LMNTD1: variants seen among roughly 807,000 people sequenced by gnomAD.
LMNTD1 encodes the protein lamin tail domain-containing protein 1.
In LMNTD1, 35 loss-of-function variants were observed where a neutral mutation model predicts 50.9. The ratio of observed to expected loss-of-function variants is 0.69; its 90% CI spans 0.53 to 0.91. The LOEUF is 0.91. Ranked by LOEUF, LMNTD1 falls within the 40% of genes least tolerant of loss-of-function variation. The probability of loss-of-function intolerance (pLI) is 0.00; values close to 1 mark genes in which losing one functional copy is unlikely to be tolerated. For missense variants in LMNTD1, 470 were observed against 475.5 expected, an observed-to-expected ratio of 0.99 and a Z score of 0.11; for synonymous variants, 153 against 161.9, an observed-to-expected ratio of 0.94 and a Z score of 0.42.
intron 1 of LMNTD1, among the ~76,000 whole-genome samples, chr12:25,635,136 A>G (rs1946801825): frequency 6.7e-6 from 1 of 149,952 alleles, no homozygotes; most frequent in Non-Finnish European, 1.5e-5. Flanking sequence ...GCTACTCTGG[A>G]GGCTGAGGGG....
chr12:25,504,429 T>C (rs1939590378), intron 8 of LMNTD1, among the ~76,000 whole-genome samples: 1 of 152,210 alleles, frequency 6.6e-6, no homozygotes, highest in Non-Finnish European at 1.5e-5. Flanking sequence ...GAAGCAAGTG[T>C]ATCAAACTAA....
In LMNTD1 at chr12:25,526,968, A is replaced by T; in HGVS notation, c.492-13T>A. 6.3e-7 allele frequency: 1 copy of T among 1,579,350 alleles called. No homozygotes were observed. Among genetic ancestry groups the T allele is most frequent in the Non-Finnish European group, 8.6e-7 (1 of 1,159,924 alleles). On this transcript the variant is annotated splice_polypyrimidine_tract_variant and intron_variant, in intron 4 of 9. Coordinates refer to ENST00000458174, the MANE Select transcript of LMNTD1 (RefSeq NM_001145728.2). ...ATCTCCAAGAGAACTAGAAAATAAA[A>T]CACAAAGATTGTAAGCTGCCTTCAG...
chr12:25,512,909 T>C (rs1296099978), intron 8 of LMNTD1, among the ~76,000 whole-genome samples: 1 of 151,994 alleles, frequency 6.6e-6, no homozygotes. Flanking sequence ...TCCCAAAACA[T>C]CAGAAACATT....
chr12:25,535,955 C>T (rs1942550013), intron 4 of LMNTD1, among the ~76,000 whole-genome samples: 1 of 150,500 alleles, frequency 6.6e-6, no homozygotes, highest in African/African-American at 2.4e-5. Flanking sequence ...AAATATATTT[C>T]AGAACAAAGA....
intron 1 of LMNTD1, among the ~76,000 whole-genome samples, chr12:25,609,878 C>A (rs1349430247): frequency 6.6e-6 from 1 of 152,224 alleles, no homozygotes; most frequent in Non-Finnish European, 1.5e-5. Context: ...CTCTTCAGAG[C>A]TGTCAGACAG....
chr12:25,556,286 C>T (rs532997795), upstream of LMNTD1, among the ~76,000 whole-genome samples: 7 of 152,192 alleles, frequency 4.6e-5, no homozygotes, highest in East Asian at 3.9e-4. Context: ...AATCTTTATA[C>T]GGTTCTTTCA....
At chr12:25,511,909 C>T (rs1940325920) in intron 8 of LMNTD1, among the ~76,000 whole-genome samples, 1 of 152,130 alleles carries the variant, frequency 6.6e-6, no homozygotes, top group Admixed American at 6.5e-5. Flanking sequence ...ACTCAGAATG[C>T]TTTGCCCCCC....
chr12:25,574,544 TTAA>T (rs1397493209), intron 1 of LMNTD1, among the ~76,000 whole-genome samples: 75 of 152,208 alleles, frequency 4.9e-4, no homozygotes, highest in African/African-American at 1.5e-3. Context: ...ATTGTTATTA[TTAA>T]TGTTAATATG....
At chr12:25,509,266 C>T (rs1015507434) in intron 8 of LMNTD1, among the ~76,000 whole-genome samples, 1 of 152,084 alleles carries the variant, frequency 6.6e-6, no homozygotes, top group East Asian at 1.9e-4. Context: ...CACCACCATG[C>T]TCAGCTAATT....
intron 1 of LMNTD1, among the ~76,000 whole-genome samples, chr12:25,564,256 C>T (rs531984001): frequency 2.0e-5 from 3 of 152,250 alleles, no homozygotes; most frequent in East Asian, 3.9e-4. Flanking sequence ...TCCTATTCGG[C>T]CATCTTGGAA....
chr12:25,526,340 A>G, intron 5 of LMNTD1, 122 bp from the exon 6 acceptor site: 1 of 918,428 alleles, frequency 1.1e-6, no homozygotes, highest in South Asian at 2.1e-5. Context: ...TGACTATATC[A>G]TATACAATGT....
At position 25,510,690 on chromosome 12, in the gene LMNTD1, T is replaced by C. The variant is rs146977974; in HGVS notation, c.1190-6890A>G. 2.9e-3 allele frequency among the ~76,000 whole-genome samples: 435 copies of C among 152,256 alleles called. 2 individuals carry two copies. The highest frequency in any genetic ancestry group is 0.01 in the African/African-American group (416 of 41,552). On this transcript the variant is annotated intron_variant, in intron 8 of 9. Transcript: ENST00000458174. Reference sequence around the variant, plus strand: ...TTTTTCTAGATTTGGGGATATTTTGTATTCCATTTTATTTTTTATATTCCT... The same window carrying C: ...TTTTTCTAGATTTGGGGATATTTTGCATTCCATTTTATTTTTTATATTCCT...
intron 1 of LMNTD1, among the ~76,000 whole-genome samples, chr12:25,574,224 T>G (rs1246795111): frequency 4.6e-5 from 7 of 152,156 alleles, no homozygotes; most frequent in Admixed American, 2.0e-4. Context: ...CCATGACAAC[T>G]CCCATCTGTT....
At chr12:25,585,576 A>G (rs1366124339) in intron 1 of LMNTD1, among the ~76,000 whole-genome samples, 1 of 152,234 alleles carries the variant, frequency 6.6e-6, no homozygotes, top group Non-Finnish European at 1.5e-5. Context: ...AAATCTTTTA[A>G]AGTAATTTTG....
intron 1 of LMNTD1, among the ~76,000 whole-genome samples, chr12:25,647,655 A>C (rs1003217061): frequency 3.9e-5 from 6 of 152,360 alleles, no homozygotes; most frequent in African/African-American, 1.4e-4. Flanking sequence ...GGTTTCTAAC[A>C]TTTACCAGTT....
At chr12:25,541,899 A>C (rs1031542877) in intron 4 of LMNTD1, among the ~76,000 whole-genome samples, 1 of 151,502 alleles carries the variant, frequency 6.6e-6, no homozygotes, top group African/African-American at 2.4e-5. Context: ...ACCCCATCAA[A>C]AAGTGGGCGA....
intron 6 of LMNTD1, among the ~76,000 whole-genome samples, chr12:25,521,967 C>T (rs1268256666): frequency 1.3e-5 from 2 of 152,132 alleles, no homozygotes; most frequent in Non-Finnish European, 2.9e-5. Flanking sequence ...TATTTCTATT[C>T]AACATGAAAA....
intron 1 of LMNTD1, among the ~76,000 whole-genome samples, chr12:25,620,281 CG>C (rs1946442895): frequency 1.3e-5 from 2 of 152,236 alleles, no homozygotes; most frequent in Admixed American, 1.3e-4. Context: ...TTAATGTTAA[CG>C]GAACTCCACA....
At chr12:25,611,144 GA>G (rs1448218701) in intron 1 of LMNTD1, among the ~76,000 whole-genome samples, 2 of 152,190 alleles carry the variant, frequency 1.3e-5, no homozygotes, top group African/African-American at 4.8e-5. Flanking sequence ...GGAAGTCAAA[GA>G]GGACAAAAAT....
Sources: allele counts gnomAD v4.1 joint callset (sites outside exome capture counted in the v4.1 genomes callset), GRCh38; gene constraint gnomAD v4.1.1; transcripts MANE v1.5; gene names NCBI Gene and HGNC (gene_info 2026-07-23, HGNC 2026-07-21).